The following MTO1 variants were observed in gnomAD, a reference collection of about 807,000 sequenced individuals.
MTO1 encodes the protein mitochondrial tRNA translation optimization 1, also known as 5-taurinomethyluridine-[tRNA] synthase subunit MTO1, mitochondrial.
MTO1 carries 46 observed loss-of-function variants against 71.6 expected under a neutral mutation model. The ratio of observed to expected loss-of-function variants is 0.64; its 90% CI spans 0.51 to 0.82. MTO1 has a LOEUF of 0.82. Among genes scored for constraint, MTO1 ranks in the 40% least tolerant of loss-of-function variants. The probability of loss-of-function intolerance (pLI) is 0.00; values close to 1 mark genes in which losing one functional copy is unlikely to be tolerated. For missense variants in MTO1, 773 were observed against 867.5 expected (o/e 0.89, Z 1.37); for synonymous variants, 297 against 312.1 (o/e 0.95, Z 0.51).
intron 7 of MTO1, 164 bp downstream of exon 7, chr6:73,480,969 G>GTTTTT (rs398001972): frequency 3.0e-5 from 7 of 232,724 alleles, no homozygotes; most frequent in Admixed American, 7.9e-5. Context: ...AGATAATAGG[G>GTTTTT]TTTTTTTTTT....
chr6:73,489,460 G>A (rs1412489857), intron 9 of MTO1, among the ~76,000 whole-genome samples: 47 of 98,312 alleles, frequency 4.8e-4, no homozygotes, highest in African/African-American at 1.7e-3. Context: ...AACAGGCCCC[G>A]GCATGTGATG....
rs997234102 is a variant in MTO1, at chr6:73,508,450, G to C, written c.*7715G>C. The C allele has an allele frequency of 1.3e-5, 2 of 152,036 alleles. No homozygotes were observed. Among genetic ancestry groups the C allele is most frequent in the Non-Finnish European group, 2.9e-5 (2 of 67,988 alleles). 9.4% of individuals were successfully genotyped at this position (152,036 alleles called of 1,614,324 possible). On this transcript the variant is annotated 3_prime_UTR_variant, in exon 12 of 12. Coordinates refer to ENST00000498286, the MANE Select transcript of MTO1 (RefSeq NM_012123.4). The stretch of plus-strand genomic sequence containing the variant: ...AAAAAAACACTGGCTAAATTTAAAA[G>C]GAAACACTTCTAGAATATACTGTAT...
rs373689342 is a variant in MTO1, at chr6:73,482,066, T to C, written c.1287T>C (p.Ser429=). 1.2e-6 allele frequency: 2 copies of C among 1,614,070 alleles called. No homozygotes were observed. Among genetic ancestry groups the C allele is most frequent in the Non-Finnish European group, 1.7e-6 (2 of 1,180,038 alleles). The part of the protein sequence containing the change: ...AQGVIAGINA[S]LRVSRKPPFV... ...GTGTGATAGCCGGAATCAACGCCAG[T>C]CTTCGGGTCAGTCGCAAGCCTCCCT... The change falls in exon 8 of 12, where the codon AGT becomes AGC. Residue 429 remains serine (S), a synonymous_variant. Transcript: ENST00000498286.
chr6:73,466,320 A>G lies in MTO1; in HGVS notation c.329A>G (p.His110Arg). ...CGCATCTGTGACCAGTCTGGTGTACATTATAAAGTATTAAACCGGCGTAAG... is the reference window on the plus strand; with the variant it reads ...CGCATCTGTGACCAGTCTGGTGTACGTTATAAAGTATTAAACCGGCGTAAG... ...CSRICDQSGV[H>R]YKVLNRRKGP... is the part of the protein sequence containing the mutation. Residue 110 changes from histidine (H) to arginine (R), a missense_variant, in exon 2 of 12, where the codon CAT (histidine) becomes CGT (arginine). Physicochemically the swap from His to Arg is conservative, Grantham distance 29 (BLOSUM62 0). Transcript: ENST00000498286. The G allele has an allele frequency of 6.2e-7, 1 of 1,614,186 alleles. No homozygotes were observed. Among genetic ancestry groups the G allele is most frequent in the African/African-American group, 1.3e-5 (1 of 75,064 alleles).
intron 10 of MTO1, among the ~76,000 whole-genome samples, chr6:73,495,443 GA>G (rs1771955435): frequency 6.6e-6 from 1 of 151,948 alleles, no homozygotes; most frequent in Non-Finnish European, 1.5e-5. Flanking sequence ...GGATAATCCA[GA>G]AAAATTATCA....
chr6:73,484,386 G>T (rs760881743), intron 9 of MTO1, among the ~76,000 whole-genome samples: 15 of 152,152 alleles, frequency 9.9e-5, no homozygotes, highest in African/African-American at 3.6e-4. Flanking sequence ...AGGGCTTGCT[G>T]TTTGCTTCCA....
chr6:73,473,759 C>A, intron 4 of MTO1, 105 bp downstream of exon 4: 5 of 863,356 alleles, frequency 5.8e-6, no homozygotes, highest in Non-Finnish European at 6.9e-6. Context: ...CACTTTATAG[C>A]ACTATTGCTT....
At chr6:73,467,239 A>G (rs1445731475) in intron 3 of MTO1, among the ~76,000 whole-genome samples, 1 of 152,120 alleles carries the variant, frequency 6.6e-6, no homozygotes, top group African/African-American at 2.4e-5. Flanking sequence ...GCTTGAGCCC[A>G]GGAGGTTGAG....
chr6:73,493,350 A>ATGTG (rs1169202264), intron 10 of MTO1, among the ~76,000 whole-genome samples: 35 of 46,424 alleles, frequency 7.5e-4, no homozygotes, highest in African/African-American at 2.3e-3. Flanking sequence ...TGAAATGTGC[A>ATGTG]TGTATGTGTG....
chr6:73,488,775 A>T (rs1250834161), intron 9 of MTO1, among the ~76,000 whole-genome samples: 1 of 151,952 alleles, frequency 6.6e-6, no homozygotes, highest in African/African-American at 2.4e-5. Context: ...AAAATTAGCC[A>T]CGCATGGTGG....
chr6:73,468,493 G>A (rs534933806), intron 3 of MTO1, among the ~76,000 whole-genome samples: 18 of 152,026 alleles, frequency 1.2e-4, no homozygotes, highest in East Asian at 5.8e-4. Flanking sequence ...TAATTATACC[G>A]TAATTTTTGG....
chr6:73,471,568 C>T, intron 3 of MTO1: 1 of 362,568 alleles, frequency 2.8e-6, no homozygotes, highest in Non-Finnish European at 5.3e-6. Flanking sequence ...GCATGTGTCA[C>T]CACCCCTGGC....
chr6:73,473,701 C>A, intron 4 of MTO1, 47 bp downstream of exon 4: 31 of 1,347,592 alleles, frequency 2.3e-5, no homozygotes, highest in Non-Finnish European at 2.9e-5. Flanking sequence ...ATTGGCTATT[C>A]ACAGCAGGAA....
intron 9 of MTO1, among the ~76,000 whole-genome samples, chr6:73,485,197 C>G (rs1458553476): frequency 1.3e-5 from 2 of 152,064 alleles, no homozygotes; most frequent in East Asian, 3.8e-4. Flanking sequence ...TCAGCAGTCT[C>G]AGATGCTAAC....
At chr6:73,493,537 C>G (rs1477115538) in intron 10 of MTO1, among the ~76,000 whole-genome samples, 1 of 151,702 alleles carries the variant, frequency 6.6e-6, no homozygotes, top group Non-Finnish European at 1.5e-5. Flanking sequence ...GTTACAGGGC[C>G]CCGCCACAAG....
rs546293486 is a variant in MTO1 at position 73,508,788 on chromosome 6, T to C, written c.*8053T>C. The C allele has an allele frequency of 2.0e-5, 3 of 152,204 alleles. No homozygotes were observed. The highest frequency in any genetic ancestry group is 7.2e-5 in the African/African-American group (3 of 41,456). 9.4% of individuals were successfully genotyped at this position (152,204 alleles called of 1,614,324 possible). The stretch of plus-strand genomic sequence containing the variant: ...CAGATGTTTACTGGGTTGCTAGTTA[T>C]ATATAGAATCCTGCAAGAGGCTCAA... On this transcript the variant is annotated 3_prime_UTR_variant, in exon 12 of 12. Transcript: ENST00000498286.
rs775350046 is a variant in MTO1 at position 73,482,080 on chromosome 6, G to A, written c.1301G>A (p.Arg434His). ...ATCAACGCCAGTCTTCGGGTCAGTC[G>A]CAAGCCTCCCTTTGTGGTTAGCCGA... ...AGINASLRVS[R>H]KPPFVVSRTE... is the part of the protein sequence containing the mutation. The change falls in exon 8 of 12, where the codon CGC becomes CAC. Residue 434 changes from arginine (R) to histidine (H), a missense_variant. Transcript: ENST00000498286. 7.4e-6 allele frequency: 12 copies of A among 1,614,118 alleles called. No homozygotes were observed. The highest frequency in any genetic ancestry group is 1.7e-5 in the Admixed American group (1 of 59,994).
At chr6:73,473,340 T>A in intron 3 of MTO1, 25 bp from the exon 4 acceptor site, 1 of 1,581,876 alleles carries the variant, frequency 6.3e-7, no homozygotes, top group South Asian at 1.2e-5. Context: ...AGATAATGAC[T>A]TTATTCTTTT....
chr6:73,500,764 G>A lies in MTO1; in HGVS notation c.*29G>A. 1 of 1,512,996 alleles carries A rather than the reference G, an allele frequency of 6.6e-7. No homozygotes were observed. The highest frequency in any genetic ancestry group is 1.3e-5 in the South Asian group (1 of 75,604). The allele number at this position is 1,512,996 out of a possible 1,614,324, so 93.7% of individuals were successfully genotyped here. A position where few individuals can be genotyped will look rare whatever the true frequency, so the allele number is the denominator to read the frequency against. On this transcript the variant is annotated 3_prime_UTR_variant, in exon 12 of 12. Coordinates refer to ENST00000498286, the MANE Select transcript of MTO1 (RefSeq NM_012123.4). ...TCAATTCATAAAAGATTTTTAAAGA[G>A]CATATAAATAATTTGATCAATACAA...
Sources: gnomAD v4.1 joint callset for allele counts (sites outside exome capture counted in the v4.1 genomes callset) on GRCh38, gnomAD v4.1.1 for gene constraint, MANE v1.5 for transcripts, NCBI Gene and HGNC (gene_info 2026-07-23, HGNC 2026-07-21) for gene names.